Variants in ZNRF1 observed in about 807,000 individuals in gnomAD.
The protein encoded by ZNRF1 is zinc and ring finger 1, also known as E3 ubiquitin-protein ligase ZNRF1.
Under a neutral mutation model 18.4 loss-of-function variants are expected in ZNRF1, and 3 were observed. The ratio of observed to expected loss-of-function variants is 0.16; its 90% CI spans 0.07 to 0.42. The LOEUF is 0.42. Ranked by LOEUF, ZNRF1 falls within the 10% of genes least tolerant of loss-of-function variation. The probability of loss-of-function intolerance (pLI) is 0.99; values close to 1 mark genes in which losing one functional copy is unlikely to be tolerated. For synonymous variants in ZNRF1, 157 were observed against 144.2 expected, an observed-to-expected ratio of 1.09 and a Z score of -0.64; for missense variants, 310 against 329.8, an observed-to-expected ratio of 0.94 and a Z score of 0.47.
intron 1 of ZNRF1, among the ~76,000 whole-genome samples, chr16:75,025,763 T>A (rs1238366689): frequency 6.6e-6 from 1 of 152,192 alleles, no homozygotes; most frequent in Non-Finnish European, 1.5e-5. Flanking sequence ...CACTGTTTCT[T>A]TCCATTTTTC....
intron 1 of ZNRF1, among the ~76,000 whole-genome samples, chr16:75,029,489 G>C (rs977835805): frequency 6.6e-6 from 1 of 152,118 alleles, no homozygotes; most frequent in Non-Finnish European, 1.5e-5. Flanking sequence ...ATTATTGGCT[G>C]GACTCAGTGG....
chr16:75,004,389 G>A (rs958670026), intron 1 of ZNRF1, among the ~76,000 whole-genome samples: 4 of 152,154 alleles, frequency 2.6e-5, no homozygotes, highest in African/African-American at 9.7e-5. Context: ...TTGTCTCAGA[G>A]TATGGATTTC....
chr16:74,999,345 C>T lies in ZNRF1; in HGVS notation c.-327C>T. Reference sequence around the variant, plus strand: ...CTCGCCGCCGCCTCCCTCCCTCCTTCCCTGCGGCTCCCCCGGCTTTCGGAG... The same window carrying T: ...CTCGCCGCCGCCTCCCTCCCTCCTTTCCTGCGGCTCCCCCGGCTTTCGGAG... On this transcript the variant is annotated 5_prime_UTR_variant, in exon 1 of 5. Transcript: ENST00000335325. 5.7e-6 allele frequency: 1 copy of T among 176,512 alleles called. No individual in the cohort carries two copies. The highest frequency in any genetic ancestry group is 1.4e-4 in the East Asian group (1 of 7,392). The allele number at this position is 176,512 out of a possible 1,614,324, so 10.9% of individuals were successfully genotyped here. A position where few individuals can be genotyped will look rare whatever the true frequency, so the allele number is the denominator to read the frequency against.
At chr16:75,007,944 A>C (rs971405148) in intron 1 of ZNRF1, among the ~76,000 whole-genome samples, 3 of 152,068 alleles carry the variant, frequency 2.0e-5, no homozygotes, top group Admixed American at 2.0e-4. Context: ...CGCTCACTGC[A>C]GCCTGGAACT....
At chr16:75,034,915 C>T (rs983728404) in intron 1 of ZNRF1, among the ~76,000 whole-genome samples, 2 of 152,038 alleles carry the variant, frequency 1.3e-5, no homozygotes, top group African/African-American at 2.4e-5. Context: ...GTGTGAGCCA[C>T]TGCGTCCAGT....
intron 1 of ZNRF1, among the ~76,000 whole-genome samples, chr16:75,038,173 A>C (rs1211595520): frequency 6.6e-6 from 1 of 152,132 alleles, no homozygotes; most frequent in Non-Finnish European, 1.5e-5. Context: ...TTTGATCATA[A>C]TTCTATGACT....
intron 1 of ZNRF1, among the ~76,000 whole-genome samples, chr16:75,037,081 A>G (rs1225234525): frequency 1.3e-5 from 2 of 152,194 alleles, no homozygotes; most frequent in South Asian, 2.1e-4. Context: ...TCCATCTTAC[A>G]GATGGGAATT....
At chr16:75,058,778 TG>T (rs2035700517) in intron 1 of ZNRF1, among the ~76,000 whole-genome samples, 1 of 152,208 alleles carries the variant, frequency 6.6e-6, no homozygotes, top group African/African-American at 2.4e-5. Context: ...TCAGGAGAGT[TG>T]TTCCACATCC....
At chr16:75,092,142 GA>G (rs1365684530) in intron 1 of ZNRF1, among the ~76,000 whole-genome samples, 3 of 151,810 alleles carry the variant, frequency 2.0e-5, no homozygotes, top group Admixed American at 6.6e-5. Flanking sequence ...CTAATATTAA[GA>G]AAAAAATTTT....
At chr16:75,036,271 C>T (rs1303290987) in intron 1 of ZNRF1, among the ~76,000 whole-genome samples, 1 of 152,100 alleles carries the variant, frequency 6.6e-6, no homozygotes, top group African/African-American at 2.4e-5. Flanking sequence ...TGAGCTCTCC[C>T]TATGTTGCCT....
intron 1 of ZNRF1, among the ~76,000 whole-genome samples, chr16:75,085,817 A>AGAGAGAGAGT (rs1491315694): frequency 1.4e-5 from 2 of 145,146 alleles, no homozygotes; most frequent in African/African-American, 5.4e-5. Flanking sequence ...AGAGAGAGAG[A>AGAGAGAGAGT]GTGAGTGTGT....
At chr16:75,101,283 C>T (rs984593238) in intron 2 of ZNRF1, among the ~76,000 whole-genome samples, 17 of 152,154 alleles carry the variant, frequency 1.1e-4, no homozygotes, top group Non-Finnish European at 2.5e-4. Context: ...TTGCTGGGCG[C>T]GGTGGCTCAC....
intron 1 of ZNRF1, among the ~76,000 whole-genome samples, chr16:75,050,899 CAAAAA>C (rs796834732): frequency 4.1e-4 from 17 of 41,150 alleles, no homozygotes; most frequent in African/African-American, 1.3e-3. Context: ...CAAAAAAAAA[CAAAAA>C]ACTTGTAGCC....
At position 75,020,213 on chromosome 16, in the gene ZNRF1, TTAA is replaced by T. The variant is rs573803230; in HGVS notation, c.424+20120_424+20122del. On this transcript the variant is annotated intron_variant, in intron 1 of 4. Coordinates refer to ENST00000335325, the MANE Select transcript of ZNRF1 (RefSeq NM_032268.5). ...TCTCATGGTCTTTTTTTGTCTGGTATTAATGTCAGCTTTCTTTTTGTAAATATT... is the reference window on the plus strand; with the variant it reads ...TCTCATGGTCTTTTTTTGTCTGGTATTGTCAGCTTTCTTTTTGTAAATATT... Among the ~76,000 whole-genome samples, 217 of 152,316 alleles carry T rather than the reference TTAA, an allele frequency of 1.4e-3. 1 individual carries two copies. The highest frequency in any genetic ancestry group is 4.9e-3 in the African/African-American group (205 of 41,582).
At chr16:75,088,039 C>T (rs931999705) in intron 1 of ZNRF1, among the ~76,000 whole-genome samples, 4 of 152,186 alleles carry the variant, frequency 2.6e-5, no homozygotes, top group Non-Finnish European at 4.4e-5. Flanking sequence ...TCATGCAGGC[C>T]GAATGAGTTT....
At chr16:75,089,442 CAG>C (rs992097174) in intron 1 of ZNRF1, among the ~76,000 whole-genome samples, 2 of 152,010 alleles carry the variant, frequency 1.3e-5, no homozygotes, top group African/African-American at 4.8e-5. Flanking sequence ...CAAAATAAAA[CAG>C]AAACACCAGA....
At position 75,000,098 on chromosome 16, in the gene ZNRF1, G is replaced by T. The variant is rs1567460721; in HGVS notation, c.424+3G>T. The T allele has an allele frequency of 6.3e-7, 1 of 1,597,526 alleles. No individual in the cohort carries two copies. Reference sequence around the variant, plus strand: ...CAGGTGGTTCAGCTCGCATAGTGGTGAGTCCGCGGGTGGTGGAGGCCTCGG... The same window carrying T: ...CAGGTGGTTCAGCTCGCATAGTGGTTAGTCCGCGGGTGGTGGAGGCCTCGG... On this transcript the variant is annotated splice_donor_region_variant and intron_variant, in intron 1 of 4. Coordinates refer to ENST00000335325, the MANE Select transcript of ZNRF1 (RefSeq NM_032268.5).
intron 1 of ZNRF1, among the ~76,000 whole-genome samples, chr16:75,021,663 A>G (rs572697227): frequency 3.9e-5 from 6 of 152,300 alleles, no homozygotes; most frequent in Admixed American, 3.9e-4. Flanking sequence ...GTGTTTCATT[A>G]TCTTCTAGCT....
chr16:75,002,189 T>C (rs2034860435), intron 1 of ZNRF1: 1 of 152,244 alleles, frequency 6.6e-6, no homozygotes, highest in Non-Finnish European at 1.5e-5. Flanking sequence ...GCTTTAGGGA[T>C]TTATTCTTTT....
Sources: gnomAD v4.1 joint callset for allele counts (sites outside exome capture counted in the v4.1 genomes callset) on GRCh38, gnomAD v4.1.1 for gene constraint, MANE v1.5 for transcripts, NCBI Gene and HGNC (gene_info 2026-07-23, HGNC 2026-07-21) for gene names.